CTTNBP2NL: variants seen among roughly 807,000 people sequenced by gnomAD.
The protein encoded by CTTNBP2NL is CTTNBP2 N-terminal-like protein.
In CTTNBP2NL, 16 loss-of-function variants were observed where a neutral mutation model predicts 32.5. The ratio of observed to expected loss-of-function variants is 0.49; its 90% CI spans 0.33 to 0.75. The LOEUF (loss-of-function observed/expected upper bound fraction) is 0.75. Ranked by LOEUF, CTTNBP2NL falls within the 30% of genes least tolerant of loss-of-function variation. The pLI is 0.02. For missense variants in CTTNBP2NL, 645 were observed against 756.0 expected, an observed-to-expected ratio of 0.85 and a Z score of 1.72; for synonymous variants, 298 against 289.4, an observed-to-expected ratio of 1.03 and a Z score of -0.30.
chr1:112,427,724 T>A (rs980120410), intron 3 of CTTNBP2NL, among the ~76,000 whole-genome samples: 3 of 152,024 alleles, frequency 2.0e-5, no homozygotes, highest in Non-Finnish European at 2.9e-5. Context: ...TGAAACCCCG[T>A]CTCTATTAAA....
At position 112,457,375 on chromosome 1, in the gene CTTNBP2NL, G is replaced by A; in HGVS notation, c.1883G>A (p.Gly628Asp). The change falls in exon 6 of 6, where the codon GGT becomes GAT. Residue 628 changes from glycine (G) to aspartate (D), a missense_variant. Coordinates refer to ENST00000271277, the MANE Select transcript of CTTNBP2NL (RefSeq NM_018704.3). ...SCSSNTVVAN[G>D]KDVELLLPTS... Reference sequence around the variant, plus strand: ...TCTTCCAATACTGTTGTAGCAAATGGTAAGGATGTTGAGTTACTTTTGCCT... The same window carrying A: ...TCTTCCAATACTGTTGTAGCAAATGATAAGGATGTTGAGTTACTTTTGCCT... The A allele has an allele frequency of 1.2e-6, 2 of 1,613,986 alleles. No homozygotes were observed. Among genetic ancestry groups the A allele is most frequent in the Non-Finnish European group, 1.7e-6 (2 of 1,179,952 alleles).
chr1:112,456,619 A>G lies in CTTNBP2NL; in HGVS notation c.1127A>G (p.Glu376Gly), dbSNP rs141302073. The G allele has an allele frequency of 2.7e-5, 44 of 1,613,598 alleles. No homozygotes were observed. The African/African-American group carries it at 5.3e-4, about 20-fold the overall frequency. The part of the protein sequence containing the change: ...NNVENQVPPR[E>G]KSVALAQEKP... ...GTAGAAAACCAGGTGCCTCCACGGG[A>G]AAAATCTGTGGCATTGGCCCAAGAG... is the stretch of plus-strand genomic sequence containing the variant. The change falls in exon 6 of 6, where the codon GAA becomes GGA. Residue 376 changes from glutamate (E) to glycine (G), a missense_variant. Physicochemically the swap from Glu to Gly is moderately conservative, Grantham distance 98 (BLOSUM62 -2). Coordinates refer to ENST00000271277, the MANE Select transcript of CTTNBP2NL (RefSeq NM_018704.3).
At chr1:112,453,766 T>C (rs751161411) in intron 4 of CTTNBP2NL, among the ~76,000 whole-genome samples, 2 of 151,972 alleles carry the variant, frequency 1.3e-5, no homozygotes, top group Non-Finnish European at 2.9e-5. Flanking sequence ...AAAATAAATA[T>C]ATTTGTCTTC....
Position 112,396,213 on chromosome 1 carries a change from CAGCCGCT to C in CTTNBP2NL, c.-192_-186del, listed in dbSNP as rs1648319865. The C allele has an allele frequency of 6.6e-6, 1 of 152,336 alleles. No homozygotes were observed. The highest frequency in any genetic ancestry group is 2.4e-5 in the African/African-American group (1 of 41,464). The allele number at this position is 152,336 out of a possible 1,614,324, so 9.4% of individuals were successfully genotyped here. ...CCGGGCGGCTGAGGGGGCGGAGCCT[CAGCCGCT>C]GTGGATGGGGAGTGGAGGCGGAGGG... On this transcript the variant is annotated 5_prime_UTR_variant, in exon 1 of 6. Coordinates refer to ENST00000271277, the MANE Select transcript of CTTNBP2NL (RefSeq NM_018704.3).
chr1:112,434,475 C>A (rs1649667526), intron 3 of CTTNBP2NL, among the ~76,000 whole-genome samples: 2 of 151,998 alleles, frequency 1.3e-5, no homozygotes, highest in Admixed American at 1.3e-4. Flanking sequence ...TGTGGTTTTT[C>A]TCTCCCTCTT....
In CTTNBP2NL at chr1:112,460,679, T is replaced by TA. The variant is rs1255055271; in HGVS notation, c.*3268dup. 6.6e-6 allele frequency: 1 copy of TA among 152,260 alleles called. No individual in the cohort carries two copies. Among genetic ancestry groups the TA allele is most frequent in the Non-Finnish European group, 1.5e-5 (1 of 68,040 alleles). 9.4% of individuals were successfully genotyped at this position (152,260 alleles called of 1,614,324 possible). ...AATGATTAATGCATCCCTTTTCAAC[T>TA]ACTCCAGCGCTGTTGCTGCTGCAAT... On this transcript the variant is annotated 3_prime_UTR_variant, in exon 6 of 6. Transcript: ENST00000271277.
At chr1:112,410,332 C>T (rs1280026680) in intron 1 of CTTNBP2NL, among the ~76,000 whole-genome samples, 6 of 149,628 alleles carry the variant, frequency 4.0e-5, no homozygotes, top group South Asian at 2.1e-4. Flanking sequence ...GCGAAGGCTG[C>T]GGTGATCAAG....
In CTTNBP2NL at chr1:112,458,436, ATACAT is replaced by A. The variant is rs1333263478; in HGVS notation, c.*1025_*1029del. On this transcript the variant is annotated 3_prime_UTR_variant, in exon 6 of 6. Transcript: ENST00000271277. ...ATTAACTTTTGCTTAAATGGGAAGT[ATACAT>A]ATATCTGTATAGATACATTACCCCT... 6.5e-6 allele frequency: 1 copy of A among 152,678 alleles called. No individual in the cohort carries two copies. Among genetic ancestry groups the A allele is most frequent in the African/African-American group, 2.4e-5 (1 of 41,468 alleles). The allele number at this position is 152,678 out of a possible 1,614,324, so 9.5% of individuals were successfully genotyped here. A position where few individuals can be genotyped will look rare whatever the true frequency, so the allele number is the denominator to read the frequency against.
rs985751429 is a variant in CTTNBP2NL, at chr1:112,402,261, A to G, written c.-134+5989A>G. ...TGGAGAAACCCCGTCTCTACTAAAAATACAAAATTAGCCAGGCATGTTAGC... is the reference window on the plus strand; with the variant it reads ...TGGAGAAACCCCGTCTCTACTAAAAGTACAAAATTAGCCAGGCATGTTAGC... On this transcript the variant is annotated intron_variant, in intron 1 of 5. Coordinates refer to ENST00000271277, the MANE Select transcript of CTTNBP2NL (RefSeq NM_018704.3). Among the ~76,000 whole-genome samples the G allele has an allele frequency of 1.2e-4, 18 of 152,152 alleles. 1 individual carries two copies. Among genetic ancestry groups the G allele is most frequent in the African/African-American group, 4.3e-4 (18 of 41,436 alleles).
intron 3 of CTTNBP2NL, among the ~76,000 whole-genome samples, chr1:112,433,255 G>T (rs2492528): frequency 0.55 from 83,803 of 151,336 alleles, 24,129 homozygotes; most frequent in South Asian, 0.7. Context: ...TTTGTGTGGG[G>T]GTGTGTGTGT....
At chr1:112,410,903 C>G (rs1648841097) in intron 1 of CTTNBP2NL, among the ~76,000 whole-genome samples, 1 of 152,164 alleles carries the variant, frequency 6.6e-6, no homozygotes, top group African/African-American at 2.4e-5. Flanking sequence ...ATGAAGATGA[C>G]AAGTGACAGC....
intron 3 of CTTNBP2NL, among the ~76,000 whole-genome samples, chr1:112,424,792 T>C (rs1340180414): frequency 6.6e-6 from 1 of 152,040 alleles, no homozygotes; most frequent in East Asian, 1.9e-4. Context: ...GTAAGTGGTA[T>C]TGGGTTTTGT....
chr1:112,461,153 G>T lies in CTTNBP2NL; in HGVS notation c.*3741G>T, dbSNP rs1650541335. On this transcript the variant is annotated 3_prime_UTR_variant, in exon 6 of 6. Transcript: ENST00000271277. ...CCAATTCATTAGTAAAAATAAAGGAGGGGAAAGGAGACTGGAGTAGTGGTT... is the reference window on the plus strand; with the variant it reads ...CCAATTCATTAGTAAAAATAAAGGATGGGAAAGGAGACTGGAGTAGTGGTT... 1 of 152,168 alleles carries T rather than the reference G, an allele frequency of 6.6e-6. No homozygotes were observed. The highest frequency in any genetic ancestry group is 6.5e-5 in the Admixed American group (1 of 15,278). The allele number at this position is 152,168 out of a possible 1,614,324, so 9.4% of individuals were successfully genotyped here. A position where few individuals can be genotyped will look rare whatever the true frequency, so the allele number is the denominator to read the frequency against.
upstream of CTTNBP2NL, among the ~76,000 whole-genome samples, chr1:112,395,191 A>G (rs1648284671): frequency 6.6e-6 from 1 of 152,240 alleles, no homozygotes; most frequent in African/African-American, 2.4e-5. Flanking sequence ...TTATTTATGC[A>G]TTATGAATAT....
intron 3 of CTTNBP2NL, among the ~76,000 whole-genome samples, chr1:112,435,142 C>CAAAAA (rs5777114): frequency 8.0e-4 from 68 of 85,444 alleles, no homozygotes; most frequent in African/African-American, 1.2e-3. Context: ...GACTCTGTCT[C>CAAAAA]AAAAAAAAAA....
At chr1:112,447,587 C>T (rs1010265822) in intron 3 of CTTNBP2NL, among the ~76,000 whole-genome samples, 2 of 151,896 alleles carry the variant, frequency 1.3e-5, no homozygotes, top group Admixed American at 1.3e-4. Context: ...TTCCTGGGGC[C>T]TAAATTGGAC....
intron 4 of CTTNBP2NL, among the ~76,000 whole-genome samples, chr1:112,452,840 G>C (rs1650263857): frequency 6.6e-6 from 1 of 151,626 alleles, no homozygotes; most frequent in Admixed American, 6.6e-5. Flanking sequence ...ATGGGGTTTT[G>C]GGTTGGGCAC....
intron 3 of CTTNBP2NL, among the ~76,000 whole-genome samples, chr1:112,419,400 A>G (rs567132134): frequency 6.6e-6 from 1 of 152,302 alleles, no homozygotes; most frequent in African/African-American, 2.4e-5. Flanking sequence ...AAAAATAATC[A>G]TAAGGATCTA....
In CTTNBP2NL at chr1:112,459,409, A is replaced by G. The variant is rs1402185256; in HGVS notation, c.*1997A>G. ...ACATACATTCTCTGAGCCAACATCT[A>G]TCCAGCAGCCCTGACCTCCTGCTAT... On this transcript the variant is annotated 3_prime_UTR_variant, in exon 6 of 6. Transcript: ENST00000271277. The G allele has an allele frequency of 1.3e-5, 2 of 152,250 alleles. No individual in the cohort carries two copies. The highest frequency in any genetic ancestry group is 1.5e-5 in the Non-Finnish European group (1 of 68,050). The allele number at this position is 152,250 out of a possible 1,614,324, so 9.4% of individuals were successfully genotyped here. A position where few individuals can be genotyped will look rare whatever the true frequency, so the allele number is the denominator to read the frequency against.
Sources: gnomAD v4.1 joint callset for allele counts (sites outside exome capture counted in the v4.1 genomes callset) on GRCh38, gnomAD v4.1.1 for gene constraint, MANE v1.5 for transcripts, NCBI Gene and HGNC (gene_info 2026-07-23, HGNC 2026-07-21) for gene names.